Variants in POU6F2 observed in about 807,000 individuals in gnomAD.
The protein encoded by POU6F2 is POU domain, class 6, transcription factor 2.
In POU6F2, 31 loss-of-function variants were observed where a neutral mutation model predicts 71.3. The ratio of observed to expected loss-of-function variants is 0.43; its 90% CI spans 0.33 to 0.59. The LOEUF (loss-of-function observed/expected upper bound fraction) is 0.59. POU6F2 is among the 20% of genes least tolerant of loss of function. The probability of loss-of-function intolerance (pLI) is 0.04; values close to 1 mark genes in which losing one functional copy is unlikely to be tolerated. For synonymous variants in POU6F2, 347 were observed against 355.7 expected (o/e 0.98, Z 0.27); for missense variants, 783 against 856.8 (o/e 0.91, Z 1.07).
intron 7 of POU6F2, among the ~76,000 whole-genome samples, chr7:39,437,489 G>T (rs1412330804): frequency 6.6e-6 from 1 of 152,026 alleles, no homozygotes; most frequent in Non-Finnish European, 1.5e-5. Context: ...ACTTTTTATT[G>T]TGTCTGTTTG....
intron 5 of POU6F2, among the ~76,000 whole-genome samples, chr7:39,347,752 C>T (rs1349710164): frequency 9.3e-6 from 1 of 107,474 alleles, no homozygotes; most frequent in Non-Finnish European, 2.3e-5. Context: ...CTGCCTCAGC[C>T]TCCCGAGCGT....
intron 2 of POU6F2, among the ~76,000 whole-genome samples, chr7:39,191,878 T>A (rs1311187103): frequency 6.6e-6 from 1 of 152,186 alleles, no homozygotes; most frequent in Non-Finnish European, 1.5e-5. Flanking sequence ...GACACATGAA[T>A]TGGACTAATT....
chr7:39,319,301 T>C (rs1350071369), intron 4 of POU6F2, among the ~76,000 whole-genome samples: 1 of 152,204 alleles, frequency 6.6e-6, no homozygotes, highest in Non-Finnish European at 1.5e-5. Flanking sequence ...AGTTTCTGAC[T>C]CTTTCAGAGG....
chr7:39,338,463 A>G (rs1045160589), intron 4 of POU6F2, among the ~76,000 whole-genome samples: 75 of 152,324 alleles, frequency 4.9e-4, no homozygotes, highest in Middle Eastern at 3.4e-3. Flanking sequence ...GACTGCTTGC[A>G]TAGACCTAGA....
chr7:39,237,960 T>C (rs1166274094), intron 4 of POU6F2, among the ~76,000 whole-genome samples: 2 of 152,146 alleles, frequency 1.3e-5, no homozygotes, highest in Admixed American at 1.3e-4. Context: ...GAACTCTCTC[T>C]AGGCCCTGGT....
At chr7:39,050,744 T>C (rs1185226051) in intron 1 of POU6F2, among the ~76,000 whole-genome samples, 1 of 152,140 alleles carries the variant, frequency 6.6e-6, no homozygotes, top group Non-Finnish European at 1.5e-5. Context: ...ATTCACCATG[T>C]GCCCTACCAT....
chr7:39,275,032 T>A (rs1399550586), intron 4 of POU6F2, among the ~76,000 whole-genome samples: 2 of 151,250 alleles, frequency 1.3e-5, no homozygotes, highest in African/African-American at 4.9e-5. Context: ...TTCAACATAG[T>A]GTTGGAAGTT....
At chr7:39,415,092 C>T (rs1179410449) in intron 6 of POU6F2, among the ~76,000 whole-genome samples, 1 of 152,154 alleles carries the variant, frequency 6.6e-6, no homozygotes, top group East Asian at 1.9e-4. Context: ...GGCATAATCT[C>T]GGCTCACTGC....
At chr7:39,305,752 A>G (rs553659486) in intron 4 of POU6F2, among the ~76,000 whole-genome samples, 12 of 152,336 alleles carry the variant, frequency 7.9e-5, no homozygotes, top group Non-Finnish European at 1.8e-4. Context: ...TCTCTCTGAA[A>G]ATGTAAGATG....
intron 1 of POU6F2, among the ~76,000 whole-genome samples, chr7:39,005,484 C>CTGTGTATGTGTGTGTGTGTG (rs1789033934): frequency 7.9e-6 from 1 of 126,610 alleles, no homozygotes; most frequent in Admixed American, 8.1e-5. Context: ...AGGGAGAAAC[C>CTGTGTATGTGTGTGTGTGTG]TGTGTGTGTG....
chr7:38,989,539 A>C (rs1370091603), intron 1 of POU6F2, among the ~76,000 whole-genome samples: 1 of 152,002 alleles, frequency 6.6e-6, no homozygotes, highest in Non-Finnish European at 1.5e-5. Flanking sequence ...CAGTTTTAAT[A>C]ATTTTTGCAA....
intron 6 of POU6F2, among the ~76,000 whole-genome samples, chr7:39,425,414 C>A (rs905204419): frequency 6.6e-6 from 1 of 152,112 alleles, no homozygotes; most frequent in Non-Finnish European, 1.5e-5. Flanking sequence ...CTGTCAATGA[C>A]CATGTCAAAA....
intron 4 of POU6F2, among the ~76,000 whole-genome samples, chr7:39,291,933 C>G (rs184880593): frequency 2.5e-4 from 37 of 150,114 alleles, no homozygotes; most frequent in Admixed American, 1.8e-3. Flanking sequence ...TGTATTTTTA[C>G]TATTCCCTTT....
intron 6 of POU6F2, among the ~76,000 whole-genome samples, chr7:39,430,100 T>C (rs192468558): frequency 6.6e-6 from 1 of 152,312 alleles, no homozygotes; most frequent in East Asian, 1.9e-4. Flanking sequence ...TCAGAGAATA[T>C]TTAGATGACA....
chr7:39,084,554 C>T (rs1278095805), intron 1 of POU6F2, among the ~76,000 whole-genome samples: 1 of 152,128 alleles, frequency 6.6e-6, no homozygotes, highest in African/African-American at 2.4e-5. Context: ...TATTTAAGTG[C>T]TGTGTAAATT....
At chr7:38,985,186 T>G (rs1463700574) in intron 1 of POU6F2, among the ~76,000 whole-genome samples, 1 of 152,140 alleles carries the variant, frequency 6.6e-6, no homozygotes, top group Non-Finnish European at 1.5e-5. Context: ...TAGTAGGGAC[T>G]ATGGCACGCC....
At chr7:39,164,205 A>G (rs1343202023) in intron 2 of POU6F2, among the ~76,000 whole-genome samples, 1 of 151,940 alleles carries the variant, frequency 6.6e-6, no homozygotes, top group Non-Finnish European at 1.5e-5. Flanking sequence ...ATGATATCAT[A>G]AATTTTATTT....
intron 5 of POU6F2, among the ~76,000 whole-genome samples, chr7:39,361,841 T>C (rs1055341574): frequency 6.6e-6 from 1 of 152,172 alleles, no homozygotes; most frequent in Non-Finnish European, 1.5e-5. Context: ...CACCTACAAA[T>C]GTTTGAGCTC....
intron 5 of POU6F2, among the ~76,000 whole-genome samples, chr7:39,363,455 G>T (rs560949520): frequency 6.6e-6 from 1 of 151,978 alleles, no homozygotes; most frequent in Non-Finnish European, 1.5e-5. Context: ...GAAGCAATTG[G>T]ATAATCAGGT....
Sources: gnomAD v4.1 joint callset for allele counts (sites outside exome capture counted in the v4.1 genomes callset) on GRCh38, gnomAD v4.1.1 for gene constraint, MANE v1.5 for transcripts, NCBI Gene and HGNC (gene_info 2026-07-23, HGNC 2026-07-21) for gene names.